Variants in MPRIP observed in about 807,000 individuals in gnomAD.
MPRIP encodes myosin phosphatase Rho interacting protein.
Under a neutral mutation model 234.9 loss-of-function variants are expected in MPRIP, and 59 were observed. That is an observed-to-expected ratio of 0.25 (90% CI 0.20 to 0.31). MPRIP has a LOEUF of 0.31. MPRIP is among the 10% of genes least tolerant of loss of function. The probability of loss-of-function intolerance (pLI) is 1.00; values close to 1 mark genes in which losing one functional copy is unlikely to be tolerated. For synonymous variants in MPRIP, 1,144 were observed against 1,263.9 expected, an observed-to-expected ratio of 0.91 and a Z score of 2.01; for missense variants, 2,436 against 3,071.0, an observed-to-expected ratio of 0.79 and a Z score of 4.89.
intron 10 of MPRIP, among the ~76,000 whole-genome samples, chr17:17,146,501 A>G (rs955733603): frequency 6.6e-6 from 1 of 152,236 alleles, no homozygotes; most frequent in African/African-American, 2.4e-5. Flanking sequence ...ACAGTAGCCT[A>G]GCACTGCAAG....
In MPRIP at chr17:17,143,576, C is replaced by A. The variant is rs766608608; in HGVS notation, c.1410C>A (p.Pro470=). 6.2e-7 allele frequency: 1 copy of A among 1,600,188 alleles called. No homozygotes were observed. The part of the protein sequence containing the change: ...PRKRDFTNEA[P]PAPLPDASAS... ...CACAGGACTTCACCAATGAAGCCCC[C>A]CCAGCTCCTCTCCCAGACGCCTCGG... is the stretch of plus-strand genomic sequence containing the variant. The change falls in exon 9 of 24, where the codon CCC becomes CCA. Residue 470 remains proline, a synonymous_variant. Transcript: ENST00000651222.
intron 4 of MPRIP, among the ~76,000 whole-genome samples, chr17:17,127,182 C>G (rs985346980): frequency 6.6e-6 from 1 of 152,234 alleles, no homozygotes; most frequent in African/African-American, 2.4e-5. Flanking sequence ...GACCTGGGCA[C>G]GCCCTCCCCC....
At chr17:17,091,194 A>G (rs898016162) in intron 3 of MPRIP, among the ~76,000 whole-genome samples, 1 of 151,986 alleles carries the variant, frequency 6.6e-6, no homozygotes, top group Admixed American at 6.6e-5. Flanking sequence ...ACCGAGGACG[A>G]CCATATATTC....
intron 1 of MPRIP, among the ~76,000 whole-genome samples, chr17:17,059,854 A>G (rs1357376634): frequency 7.2e-5 from 11 of 152,310 alleles, no homozygotes; most frequent in South Asian, 4.1e-4. Flanking sequence ...CCGGGTGGGC[A>G]TGGCTGTTCT....
At chr17:17,136,125 CGGGT>C (rs1380733743) in intron 5 of MPRIP, 90 bp from the exon 6 acceptor site, 4 of 1,338,854 alleles carry the variant, frequency 3.0e-6, no homozygotes, top group Non-Finnish European at 4.2e-6. Flanking sequence ...GTAGCTGGCC[CGGGT>C]GCCCCCTATA....
chr17:17,091,870 AG>A (rs2089726809), intron 3 of MPRIP, among the ~76,000 whole-genome samples: 1 of 152,196 alleles, frequency 6.6e-6, no homozygotes, highest in African/African-American at 2.4e-5. Context: ...GTGCTCCACG[AG>A]AAAAGATTAG....
chr17:17,058,649 A>G (rs2088779854), intron 1 of MPRIP, among the ~76,000 whole-genome samples: 1 of 152,208 alleles, frequency 6.6e-6, no homozygotes, highest in Non-Finnish European at 1.5e-5. Flanking sequence ...TCACCAAGGC[A>G]GAGGTCCGCA....
intron 3 of MPRIP, among the ~76,000 whole-genome samples, chr17:17,123,994 G>A (rs2090444730): frequency 6.6e-6 from 1 of 152,210 alleles, no homozygotes; most frequent in African/African-American, 2.4e-5. Context: ...GTTAATACAT[G>A]CTAATTTCCT....
chr17:17,049,608 A>G (rs1284396778), intron 1 of MPRIP, among the ~76,000 whole-genome samples: 1 of 152,212 alleles, frequency 6.6e-6, no homozygotes, highest in Admixed American at 6.5e-5. Flanking sequence ...CAGTTGGACC[A>G]GGTCGGTGGT....
At chr17:17,180,379 G>A (rs1330728798) in intron 23 of MPRIP, among the ~76,000 whole-genome samples, 2 of 152,192 alleles carry the variant, frequency 1.3e-5, no homozygotes, top group African/African-American at 2.4e-5. Context: ...TGCTCATGTC[G>A]GCCTGCTGTC....
chr17:17,122,738 A>G (rs2090416242), intron 3 of MPRIP, among the ~76,000 whole-genome samples: 1 of 152,216 alleles, frequency 6.6e-6, no homozygotes, highest in South Asian at 2.1e-4. Flanking sequence ...CATAAATACA[A>G]TTTAAAAAGT....
At position 17,189,238 on chromosome 17, in the gene MPRIP, G is replaced by A. The variant is rs937150228; in HGVS notation, c.*4344G>A. 1 of 152,340 alleles carries A rather than the reference G, an allele frequency of 6.6e-6. No homozygotes were observed. Among genetic ancestry groups the A allele is most frequent in the African/African-American group, 2.4e-5 (1 of 41,404 alleles). 9.4% of individuals were successfully genotyped at this position (152,340 alleles called of 1,614,324 possible). ...GAGTCTCGCTCTGTTGTCCAGGCTG[G>A]AGTGTAGTGGCATGATCTCGGCTCA... On this transcript the variant is annotated 3_prime_UTR_variant, in exon 24 of 24. Transcript: ENST00000651222.
intron 13 of MPRIP, among the ~76,000 whole-genome samples, chr17:17,155,745 T>C (rs572548319): frequency 3.3e-5 from 5 of 152,242 alleles, no homozygotes; most frequent in Non-Finnish European, 5.9e-5. Context: ...CCTCTGTCTC[T>C]CAGGATCCTA....
At chr17:17,072,039 G>A (rs1008431242) in intron 1 of MPRIP, among the ~76,000 whole-genome samples, 1 of 152,216 alleles carries the variant, frequency 6.6e-6, no homozygotes, top group African/African-American at 2.4e-5. Flanking sequence ...CCCAGTTTCA[G>A]ATTATTATAG....
intron 9 of MPRIP, among the ~76,000 whole-genome samples, chr17:17,144,275 A>C (rs1456630191): frequency 3.9e-5 from 6 of 152,184 alleles, no homozygotes; most frequent in Non-Finnish European, 8.8e-5. Context: ...ACAGCAGCTC[A>C]CCATGGGCCT....
chr17:17,164,817 A>G lies in MPRIP; in HGVS notation c.3226A>G (p.Ser1076Gly). The G allele has an allele frequency of 7.7e-7, 1 of 1,304,206 alleles. No individual in the cohort carries two copies. Among genetic ancestry groups the G allele is most frequent in the Non-Finnish European group, 1.0e-6 (1 of 988,942 alleles). 80.8% of individuals were successfully genotyped at this position (1,304,206 alleles called of 1,614,324 possible). Residue 1076 changes from serine to glycine, a missense_variant, in exon 16 of 24, where the codon AGT becomes GGT. Ser to Gly is a moderately conservative substitution (Grantham distance 56). Coordinates refer to ENST00000651222, the MANE Select transcript of MPRIP (RefSeq NM_001364716.4). ...GAAGCTGAGCGCCACTTTCGAGGGC[A>G]GTGAGCAGGTGCACCAGCTGGAGGA... ...KEKLSATFEG[S>G]EQVHQLEEQL...
intron 1 of MPRIP, among the ~76,000 whole-genome samples, chr17:17,059,751 G>A (rs2088816595): frequency 6.6e-6 from 1 of 152,196 alleles, no homozygotes. Context: ...TAGACATCAG[G>A]GGCATCCCTG....
rs1180387581 is a variant in MPRIP, at chr17:17,186,482, G to C, written c.*1588G>C. 1.3e-5 allele frequency: 2 copies of C among 152,140 alleles called. No individual in the cohort carries two copies. Among genetic ancestry groups the C allele is most frequent in the African/African-American group, 4.8e-5 (2 of 41,422 alleles). 9.4% of individuals were successfully genotyped at this position (152,140 alleles called of 1,614,324 possible). A position where few individuals can be genotyped will look rare whatever the true frequency, so the allele number is the denominator to read the frequency against. On this transcript the variant is annotated 3_prime_UTR_variant, in exon 24 of 24. Coordinates refer to ENST00000651222, the MANE Select transcript of MPRIP (RefSeq NM_001364716.4). ...CGAGCCCTTTCCACAAGTTTTTAAG[G>C]CTCTTAACCCACACTTTCACTCCTC...
At position 17,138,778 on chromosome 17, in the gene MPRIP, C is replaced by T. The variant is rs1408440705; in HGVS notation, c.1250+349C>T. Among the ~76,000 whole-genome samples the T allele has an allele frequency of 1.3e-5, 2 of 152,130 alleles. No homozygotes were observed. Among genetic ancestry groups the T allele is most frequent in the Non-Finnish European group, 2.9e-5 (2 of 68,012 alleles). On this transcript the variant is annotated intron_variant, in intron 7 of 23. Coordinates refer to ENST00000651222, the MANE Select transcript of MPRIP (RefSeq NM_001364716.4). This position sits in a 1 kb window ranked among gnomAD's most constrained non-coding sequence, Gnocchi z 5.8. ...GGGCCATTTCTATTCTCTGAAGTGG[C>T]ATGGAGGCAGGGAGTCCCTAGAGCT...
Sources: gnomAD v4.1 joint callset for allele counts (sites outside exome capture counted in the v4.1 genomes callset) on GRCh38, gnomAD v4.1.1 for gene constraint, Gnocchi (gnomAD v3.1) non-coding constraint, MANE v1.5 for transcripts, NCBI Gene and HGNC (gene_info 2026-07-23, HGNC 2026-07-21) for gene names.